AGBL1: variants seen among roughly 807,000 people sequenced by gnomAD.
AGBL1 encodes the protein cytosolic carboxypeptidase 4.
In AGBL1, 130 loss-of-function variants were observed where a neutral mutation model predicts 118.9. The observed-to-expected ratio is 1.09, with a 90% CI of 0.95 to 1.26. The LOEUF (loss-of-function observed/expected upper bound fraction) is 1.26. AGBL1 is among the 50% of genes most tolerant of loss of function. AGBL1 has a pLI of 0.00. For missense variants in AGBL1, 1,584 were observed against 1,298.1 expected, an observed-to-expected ratio of 1.22 and a Z score of -3.38; for synonymous variants, 555 against 478.9, an observed-to-expected ratio of 1.16 and a Z score of -2.08.
chr15:86,801,121 T>C (rs1161716644), intron 22 of AGBL1, among the ~76,000 whole-genome samples: 1 of 152,072 alleles, frequency 6.6e-6, no homozygotes, highest in African/African-American at 2.4e-5. Context: ...AAAATGATCC[T>C]TACATTCACC....
intron 1 of AGBL1, among the ~76,000 whole-genome samples, chr15:86,139,055 A>G (rs1479934899): frequency 6.6e-6 from 1 of 152,200 alleles, no homozygotes; most frequent in Non-Finnish European, 1.5e-5. Flanking sequence ...TGGTACACGT[A>G]TATATCACAG....
chr15:86,940,060 C>CCTTT (rs2080730450), intron 23 of AGBL1, among the ~76,000 whole-genome samples: 7 of 59,420 alleles, frequency 1.2e-4, no homozygotes, highest in African/African-American at 4.3e-4. Flanking sequence ...TTTGGTAGTC[C>CCTTT]TTTTTTTTTT....
At chr15:86,631,078 C>T (rs893219753) in intron 21 of AGBL1, 3 of 153,256 alleles carry the variant, frequency 2.0e-5, no homozygotes, top group African/African-American at 7.2e-5. Context: ...CTTTCTCCAT[C>T]TTCAGGGGTG....
intron 16 of AGBL1, among the ~76,000 whole-genome samples, chr15:86,291,771 G>A (rs2079548646): frequency 6.6e-6 from 1 of 152,122 alleles, no homozygotes; most frequent in Admixed American, 6.5e-5. Context: ...GTGTGCTTGT[G>A]TATGTGTAGT....
At chr15:86,107,717 G>T (rs1199235845) in intron 1 of AGBL1, 1 of 152,224 alleles carries the variant, frequency 6.6e-6, no homozygotes, top group Non-Finnish European at 1.5e-5. Flanking sequence ...AGTGTTCTGG[G>T]TTTTTCTGTT....
At chr15:86,705,271 T>C (rs2086429627) in intron 22 of AGBL1, among the ~76,000 whole-genome samples, 1 of 152,172 alleles carries the variant, frequency 6.6e-6, no homozygotes, top group South Asian at 2.1e-4. Flanking sequence ...ACATGCATGT[T>C]CTGCTCAAGT....
At chr15:86,538,858 G>A (rs147391836) in intron 19 of AGBL1, among the ~76,000 whole-genome samples, 16 of 152,284 alleles carry the variant, frequency 1.1e-4, no homozygotes, top group Admixed American at 5.2e-4. Flanking sequence ...GAGAGGGAGA[G>A]GGTAACCTCT....
intron 3 of AGBL1, among the ~76,000 whole-genome samples, chr15:86,146,280 T>A (rs1264897125): frequency 2.0e-5 from 3 of 152,254 alleles, no homozygotes; most frequent in Non-Finnish European, 4.4e-5. Flanking sequence ...TTTCTTGTCA[T>A]TATTCCCTAA....
At chr15:86,185,080 C>A (rs1260922376) in intron 5 of AGBL1, among the ~76,000 whole-genome samples, 1 of 152,106 alleles carries the variant, frequency 6.6e-6, no homozygotes, top group Admixed American at 6.6e-5. Flanking sequence ...ACAACCCCAT[C>A]AAAAAGTGGG....
intron 17 of AGBL1, among the ~76,000 whole-genome samples, chr15:86,313,237 T>G (rs1031599225): frequency 3.9e-5 from 6 of 152,192 alleles, no homozygotes; most frequent in African/African-American, 1.2e-4. Context: ...GTCTTTAAAA[T>G]GGAGGGTTGT....
At chr15:86,480,967 T>A (rs1484979845) in intron 18 of AGBL1, among the ~76,000 whole-genome samples, 2 of 152,040 alleles carry the variant, frequency 1.3e-5, no homozygotes, top group African/African-American at 4.8e-5. Context: ...ACTACTTGGA[T>A]ATTCTTGACA....
chr15:86,990,438 C>A (rs2594326), intron 24 of AGBL1, among the ~76,000 whole-genome samples: 64,390 of 151,716 alleles, frequency 0.42, 16,314 homozygotes, highest in Non-Finnish European at 0.58. Context: ...TGCTTGAACC[C>A]AGGGGGCAGA....
intron 22 of AGBL1, among the ~76,000 whole-genome samples, chr15:86,883,714 C>G (rs1393145527): frequency 2.0e-5 from 3 of 152,186 alleles, no homozygotes; most frequent in Middle Eastern, 3.4e-3. Flanking sequence ...AGAAAGGTTG[C>G]TTTTCTTTCC....
intron 5 of AGBL1, among the ~76,000 whole-genome samples, chr15:86,165,791 GC>G (rs1047651963): frequency 6.6e-6 from 1 of 152,042 alleles, no homozygotes; most frequent in African/African-American, 2.4e-5. Context: ...TGGAACAGGA[GC>G]AAAAAAATTC....
At chr15:86,752,681 C>T (rs2077873224) in intron 22 of AGBL1, among the ~76,000 whole-genome samples, 1 of 152,072 alleles carries the variant, frequency 6.6e-6, no homozygotes, top group Non-Finnish European at 1.5e-5. Context: ...TTCAGACTGA[C>T]ATTAAGGATG....
chr15:86,841,738 T>C lies in AGBL1; in HGVS notation c.3159-65349T>C, dbSNP rs113052919. Reference sequence around the variant, plus strand: ...GGTGCATGCCCGTAATCCCATCTACTTGGGAGGCTGACGCAGGAGAATCGC... The same window carrying C: ...GGTGCATGCCCGTAATCCCATCTACCTGGGAGGCTGACGCAGGAGAATCGC... On this transcript the variant is annotated intron_variant, in intron 22 of 22. Transcript: ENST00000614907. 8.2e-3 allele frequency among the ~76,000 whole-genome samples: 1,250 copies of C among 152,184 alleles called. 22 individuals carry two copies. The highest frequency in any genetic ancestry group is 0.029 in the African/African-American group (1,198 of 41,526).
intron 1 of AGBL1, among the ~76,000 whole-genome samples, chr15:86,130,573 A>G (rs2076806663): frequency 6.6e-6 from 1 of 152,154 alleles, no homozygotes; most frequent in South Asian, 2.1e-4. Context: ...ATTCTCTATC[A>G]TGTAATTTTT....
intron 21 of AGBL1, among the ~76,000 whole-genome samples, chr15:86,583,290 A>G (rs1434051492): frequency 1.3e-5 from 2 of 152,060 alleles, no homozygotes; most frequent in African/African-American, 2.4e-5. Flanking sequence ...ATTAGCAGGT[A>G]TATACCTACT....
chr15:86,923,309 A>G (rs1323123096), intron 23 of AGBL1, among the ~76,000 whole-genome samples: 2 of 152,192 alleles, frequency 1.3e-5, no homozygotes, highest in Non-Finnish European at 2.9e-5. Context: ...AAAAGCCTCT[A>G]CAATTTAGCT....
Sources: gnomAD v4.1 joint callset for allele counts (sites outside exome capture counted in the v4.1 genomes callset) on GRCh38, gnomAD v4.1.1 for gene constraint, MANE v1.5 for transcripts, NCBI Gene and HGNC (gene_info 2026-07-23, HGNC 2026-07-21) for gene names.